Variants in RASAL2 observed in about 807,000 individuals in gnomAD.
The protein encoded by RASAL2 is RAS protein activator like 2.
A neutral mutation model predicts 128.9 loss-of-function variants in RASAL2; 58 were observed. That is an observed-to-expected ratio of 0.45 (90% CI 0.36 to 0.56). The LOEUF (loss-of-function observed/expected upper bound fraction) is 0.56, where lower values mean the gene tolerates loss of function less well. RASAL2 is among the 20% of genes least tolerant of loss of function. RASAL2 has a pLI of 0.00. For synonymous variants in RASAL2, 561 were observed against 580.8 expected, an observed-to-expected ratio of 0.97 and a Z score of 0.49; for missense variants, 1,360 against 1,601.6, an observed-to-expected ratio of 0.85 and a Z score of 2.57.
chr1:178,114,033 C>G (rs1311983245), intron 1 of RASAL2, among the ~76,000 whole-genome samples: 1 of 151,782 alleles, frequency 6.6e-6, no homozygotes, highest in Non-Finnish European at 1.5e-5. Flanking sequence ...TACCCTGCAA[C>G]CTTGCTAAAC....
chr1:178,471,268 G>T (rs367975438), intron 17 of RASAL2, among the ~76,000 whole-genome samples: 1 of 152,168 alleles, frequency 6.6e-6, no homozygotes, highest in South Asian at 2.1e-4. Context: ...CTAATAATGC[G>T]AGTAGGGAGG....
chr1:178,290,008 C>T (rs995444713), intron 2 of RASAL2, among the ~76,000 whole-genome samples: 1 of 152,216 alleles, frequency 6.6e-6, no homozygotes. Context: ...TAAATCACTA[C>T]TGCTCCCCAC....
At chr1:178,266,407 G>C (rs1665953518) in intron 1 of RASAL2, among the ~76,000 whole-genome samples, 1 of 152,178 alleles carries the variant, frequency 6.6e-6, no homozygotes, top group South Asian at 2.1e-4. Context: ...TCTTTTGCCT[G>C]TATTCAGCTG....
chr1:178,219,585 G>GC (rs1256874769), intron 1 of RASAL2, among the ~76,000 whole-genome samples: 2 of 150,444 alleles, frequency 1.3e-5, no homozygotes, highest in East Asian at 3.9e-4. Flanking sequence ...AGCTGTGATC[G>GC]CGCCATAGCA....
intron 1 of RASAL2, among the ~76,000 whole-genome samples, chr1:178,199,393 C>G (rs544407835): frequency 2.6e-5 from 4 of 152,150 alleles, no homozygotes; most frequent in Non-Finnish European, 5.9e-5. Context: ...GTTGATCATG[C>G]TAGGAGCTGC....
At chr1:178,472,425 CAT>C (rs1271450314) in intron 17 of RASAL2, among the ~76,000 whole-genome samples, 1 of 152,146 alleles carries the variant, frequency 6.6e-6, no homozygotes, top group Non-Finnish European at 1.5e-5. Context: ...TGTTTGTTCT[CAT>C]GTGTTATGTT....
intron 1 of RASAL2, among the ~76,000 whole-genome samples, chr1:178,112,316 C>T (rs1447847228): frequency 1.3e-5 from 2 of 152,044 alleles, no homozygotes; most frequent in East Asian, 3.9e-4. Context: ...CTTTGGGAGG[C>T]CAAGGCGGGT....
At chr1:178,411,009 C>T (rs796168713) in intron 4 of RASAL2, among the ~76,000 whole-genome samples, 20 of 152,284 alleles carry the variant, frequency 1.3e-4, no homozygotes, top group African/African-American at 4.8e-4. Flanking sequence ...ATCCAGCAAT[C>T]CCACTACTGG....
At chr1:178,132,450 T>A (rs1385818532) in intron 1 of RASAL2, among the ~76,000 whole-genome samples, 1 of 152,178 alleles carries the variant, frequency 6.6e-6, no homozygotes, top group East Asian at 1.9e-4. Flanking sequence ...GGCTTGAAGA[T>A]CATATAAGCA....
intron 1 of RASAL2, among the ~76,000 whole-genome samples, chr1:178,233,469 C>T (rs1448292410): frequency 1.3e-5 from 2 of 152,110 alleles, no homozygotes; most frequent in Non-Finnish European, 2.9e-5. Context: ...GGGAAAGCCA[C>T]TGGGTGCTTA....
chr1:178,260,063 A>G (rs964657042), intron 1 of RASAL2, among the ~76,000 whole-genome samples: 6 of 151,812 alleles, frequency 4.0e-5, no homozygotes, highest in African/African-American at 9.7e-5. Flanking sequence ...TTTTAAAAAT[A>G]TATTTGAGGC....
intron 2 of RASAL2, among the ~76,000 whole-genome samples, chr1:178,294,471 T>C (rs1319135047): frequency 3.3e-5 from 5 of 152,166 alleles, no homozygotes; most frequent in Non-Finnish European, 5.9e-5. Flanking sequence ...CAGATACCAG[T>C]GAAGAAACTG....
chr1:178,296,668 ATTTT>A (rs1160539560), intron 2 of RASAL2, among the ~76,000 whole-genome samples: 1 of 113,728 alleles, frequency 8.8e-6, no homozygotes, highest in Non-Finnish European at 1.8e-5. Context: ...CCTGGCCTTG[ATTTT>A]TTTTTTTTTT....
chr1:178,220,285 C>A (rs544015404), intron 1 of RASAL2, among the ~76,000 whole-genome samples: 5 of 152,076 alleles, frequency 3.3e-5, no homozygotes, highest in Non-Finnish European at 5.9e-5. Context: ...ATTTCCACAT[C>A]ATCATGTCTC....
chr1:178,367,749 A>G (rs1671478805), intron 3 of RASAL2, among the ~76,000 whole-genome samples: 1 of 152,258 alleles, frequency 6.6e-6, no homozygotes, highest in Non-Finnish European at 1.5e-5. Context: ...GGAAAGCAGT[A>G]ATTTCTGTCT....
At chr1:178,352,446 TC>T (rs1670563713) in intron 3 of RASAL2, among the ~76,000 whole-genome samples, 1 of 152,194 alleles carries the variant, frequency 6.6e-6, no homozygotes, top group African/African-American at 2.4e-5. Context: ...AGAGGTGGGC[TC>T]CCAAGGCCTT....
chr1:178,194,957 T>C (rs1189545105), intron 1 of RASAL2, among the ~76,000 whole-genome samples: 1 of 152,240 alleles, frequency 6.6e-6, no homozygotes, highest in Non-Finnish European at 1.5e-5. Context: ...AGAGATGTTA[T>C]CTTGAAACTG....
chr1:178,276,015 G>A (rs1666494953), intron 1 of RASAL2, among the ~76,000 whole-genome samples: 1 of 152,190 alleles, frequency 6.6e-6, no homozygotes, highest in Non-Finnish European at 1.5e-5. Flanking sequence ...GTATTTCCAT[G>A]AAGGCAACCA....
chr1:178,336,658 TATATAA>T (rs1428279906), intron 3 of RASAL2, among the ~76,000 whole-genome samples: 2 of 151,616 alleles, frequency 1.3e-5, no homozygotes, highest in Non-Finnish European at 2.9e-5. Flanking sequence ...ACTAAATAAA[TATATAA>T]ATATATTTTT....
Sources: gnomAD v4.1 joint callset for allele counts (sites outside exome capture counted in the v4.1 genomes callset) on GRCh38, gnomAD v4.1.1 for gene constraint, MANE v1.5 for transcripts, NCBI Gene and HGNC (gene_info 2026-07-23, HGNC 2026-07-21) for gene names.